Variants in MTCL2 observed in about 807,000 individuals in gnomAD.
MTCL2 encodes the protein microtubule cross-linking factor 2.
the MTCL2 span, among the ~76,000 whole-genome samples, chr20:36,822,243 C>T: frequency 6.6e-6 from 1 of 152,264 alleles, no homozygotes; most frequent in African/African-American, 2.4e-5. Context: ...CTTTGTGGAG[C>T]CCCCAGGGAT....
chr20:36,785,253 G>T, the MTCL2 span: 2 of 985,346 alleles, frequency 2.0e-6, no homozygotes, highest in Non-Finnish European at 2.4e-6. Flanking sequence ...AAGCGGCCTC[G>T]TCCACCCAGG....
the MTCL2 span, among the ~76,000 whole-genome samples, chr20:36,811,842 G>A: frequency 6.6e-6 from 1 of 152,120 alleles, no homozygotes; most frequent in African/African-American, 2.4e-5. Context: ...TGCTCAGAAA[G>A]GTGCTCAGGC....
At chr20:36,838,824 C>T in the MTCL2 span, among the ~76,000 whole-genome samples, 5 of 151,992 alleles carry the variant, frequency 3.3e-5, no homozygotes, top group Admixed American at 6.6e-5. Flanking sequence ...AAAAATTAGC[C>T]GGGTGTGGTG....
At chr20:36,813,488 C>G in the MTCL2 span, among the ~76,000 whole-genome samples, 2 of 151,786 alleles carry the variant, frequency 1.3e-5, no homozygotes, top group Non-Finnish European at 2.9e-5. Flanking sequence ...AATCCCAACA[C>G]TTTGGGAGGC....
the MTCL2 span, among the ~76,000 whole-genome samples, chr20:36,800,761 G>C: frequency 5.6e-4 from 86 of 152,242 alleles, 1 homozygote; most frequent in East Asian, 0.016. Context: ...CAATGAGATA[G>C]CATTTCACAC....
At chr20:36,862,953 G>T in the MTCL2 span, 3 of 1,399,730 alleles carry the variant, frequency 2.1e-6, no homozygotes, top group Non-Finnish European at 2.8e-6. Context: ...CAGCAGGCGC[G>T]CCTCCTCCGA....
At chr20:36,862,912 C>G in the MTCL2 span, 1 of 1,300,452 alleles carries the variant, frequency 7.7e-7, no homozygotes, top group Non-Finnish European at 9.8e-7. Flanking sequence ...GCCGCGGACT[C>G]GGCGTCGCTG....
At chr20:36,845,021 A>T in the MTCL2 span, among the ~76,000 whole-genome samples, 1 of 151,784 alleles carries the variant, frequency 6.6e-6, no homozygotes, top group Admixed American at 6.6e-5. Flanking sequence ...AAAAAAAAAA[A>T]AAAAAGAAGA....
the MTCL2 span, among the ~76,000 whole-genome samples, chr20:36,831,619 C>T: frequency 2.6e-5 from 4 of 152,100 alleles, no homozygotes; most frequent in African/African-American, 7.2e-5. Context: ...CCAGGCATGG[C>T]CTCTCCCTCC....
At chr20:36,800,216 C>T in the MTCL2 span, among the ~76,000 whole-genome samples, 12 of 152,330 alleles carry the variant, frequency 7.9e-5, no homozygotes, top group Admixed American at 2.6e-4. Context: ...TGACAAGACA[C>T]GCCTGTGGGC....
chr20:36,821,036 T>C, the MTCL2 span, among the ~76,000 whole-genome samples: 2 of 152,156 alleles, frequency 1.3e-5, no homozygotes, highest in African/African-American at 2.4e-5. Context: ...GATAACAAAG[T>C]TGCATGGTTC....
the MTCL2 span, chr20:36,804,950 G>A: frequency 6.3e-7 from 1 of 1,589,440 alleles, no homozygotes; most frequent in South Asian, 1.1e-5. Context: ...GTGGGGTAGG[G>A]AGGGGAACCT....
At chr20:36,862,756 G>A in the MTCL2 span, 2 of 1,460,534 alleles carry the variant, frequency 1.4e-6, no homozygotes, top group South Asian at 2.7e-5. Context: ...GAGAAGGCAA[G>A]CGAGGCGCTG....
At chr20:36,823,758 T>C in the MTCL2 span, among the ~76,000 whole-genome samples, 4 of 152,260 alleles carry the variant, frequency 2.6e-5, no homozygotes, top group East Asian at 1.9e-4. Context: ...CAATGAACCA[T>C]GATCGTGCCA....
chr20:36,805,882 A>G, the MTCL2 span: 1 of 1,613,388 alleles, frequency 6.2e-7, no homozygotes, highest in Non-Finnish European at 8.5e-7. Context: ...TCCCCCGTGC[A>G]GGCCTTGTTA....
At chr20:36,787,304 T>C in the MTCL2 span, among the ~76,000 whole-genome samples, 1 of 152,050 alleles carries the variant, frequency 6.6e-6, no homozygotes, top group African/African-American at 2.4e-5. Context: ...CTTGACTCAC[T>C]ACAACCTCCA....
the MTCL2 span, among the ~76,000 whole-genome samples, chr20:36,812,001 G>A: frequency 6.6e-6 from 1 of 152,202 alleles, no homozygotes; most frequent in South Asian, 2.1e-4. Flanking sequence ...AGAATTCCCT[G>A]AGGATCAAAG....
At chr20:36,815,342 G>A in the MTCL2 span, 1 of 1,613,850 alleles carries the variant, frequency 6.2e-7, no homozygotes, top group Non-Finnish European at 8.5e-7. This position sits in a 1 kb window ranked among gnomAD's most constrained non-coding sequence, Gnocchi z 5.3. Flanking sequence ...GGCCCTCGCT[G>A]TTGTCGGGGG....
chr20:36,798,579 G>T, the MTCL2 span, among the ~76,000 whole-genome samples: 1 of 152,192 alleles, frequency 6.6e-6, no homozygotes, highest in Non-Finnish European at 1.5e-5. Context: ...AATTAGAACC[G>T]AATCACTGCC....
Sources: gnomAD v4.1 joint callset for allele counts (sites outside exome capture counted in the v4.1 genomes callset) on GRCh38, gnomAD v4.1.1 for gene constraint, Gnocchi (gnomAD v3.1) non-coding constraint, MANE v1.5 for transcripts, NCBI Gene and HGNC (gene_info 2026-07-23, HGNC 2026-07-21) for gene names.